The following HPSE2 variants were observed in gnomAD, a reference collection of about 807,000 sequenced individuals.
HPSE2 encodes heparanase 2 (inactive), also known as inactive heparanase-2.
In HPSE2, 38 loss-of-function variants were observed where a neutral mutation model predicts 60.5. That is an observed-to-expected ratio of 0.63 (90% CI 0.48 to 0.82). The LOEUF (loss-of-function observed/expected upper bound fraction) is 0.82. Ranked by LOEUF, HPSE2 falls within the 40% of genes least tolerant of loss-of-function variation. HPSE2 has a pLI of 0.00. For synonymous variants in HPSE2, 295 were observed against 293.2 expected, an observed-to-expected ratio of 1.01 and a Z score of -0.06; for missense variants, 713 against 740.4, an observed-to-expected ratio of 0.96 and a Z score of 0.43.
At chr10:98,969,324 C>A (rs1375305215) in intron 3 of HPSE2, among the ~76,000 whole-genome samples, 3 of 152,122 alleles carry the variant, frequency 2.0e-5, no homozygotes, top group East Asian at 1.9e-4. Flanking sequence ...GGTTTCTATA[C>A]TAATCTTTCC....
chr10:98,923,472 A>T (rs912937106), intron 3 of HPSE2, among the ~76,000 whole-genome samples: 1 of 152,158 alleles, frequency 6.6e-6, no homozygotes, highest in Non-Finnish European at 1.5e-5. Flanking sequence ...ATCCCTTTGA[A>T]TAAACTTTCT....
At chr10:99,205,594 C>G (rs1443201861) in intron 2 of HPSE2, among the ~76,000 whole-genome samples, 1 of 152,084 alleles carries the variant, frequency 6.6e-6, no homozygotes, top group South Asian at 2.1e-4. Context: ...AAAAAAAGCT[C>G]ATTTTCTTGG....
At chr10:99,157,732 A>G (rs879339798) in intron 2 of HPSE2, among the ~76,000 whole-genome samples, 5 of 143,616 alleles carry the variant, frequency 3.5e-5, no homozygotes, top group African/African-American at 5.0e-5. Context: ...CAATGGCAAC[A>G]AAAGCCAAAA....
At chr10:98,531,705 G>T (rs1210936692) in intron 9 of HPSE2, among the ~76,000 whole-genome samples, 1 of 151,374 alleles carries the variant, frequency 6.6e-6, no homozygotes, top group Non-Finnish European at 1.5e-5. Flanking sequence ...TCTTTTTTTT[G>T]ACCTCTATCC....
At chr10:99,217,063 T>C (rs897129228) in intron 2 of HPSE2, among the ~76,000 whole-genome samples, 2 of 151,992 alleles carry the variant, frequency 1.3e-5, no homozygotes, top group African/African-American at 2.4e-5. Context: ...CTAAGAACTT[T>C]ATATAATCAG....
chr10:98,563,942 T>C (rs1944265165), intron 9 of HPSE2, among the ~76,000 whole-genome samples: 1 of 152,204 alleles, frequency 6.6e-6, no homozygotes, highest in African/African-American at 2.4e-5. Flanking sequence ...AACTCTTTAA[T>C]CTTTCTAACC....
At chr10:99,013,162 G>C (rs1957056652) in intron 3 of HPSE2, 6 of 673,704 alleles carry the variant, frequency 8.9e-6, no homozygotes, top group South Asian at 8.5e-5. Context: ...TCACCAGTTA[G>C]AGAACAGCAT....
chr10:98,789,470 C>T (rs1474194240), intron 3 of HPSE2, among the ~76,000 whole-genome samples: 2 of 152,176 alleles, frequency 1.3e-5, no homozygotes, highest in Admixed American at 6.5e-5. Flanking sequence ...AGAAAGAAGT[C>T]AAATTGCAAT....
intron 9 of HPSE2, among the ~76,000 whole-genome samples, chr10:98,562,947 C>G (rs537123482): frequency 1.3e-5 from 2 of 152,024 alleles, no homozygotes; most frequent in African/African-American, 4.8e-5. Context: ...AGGTGTCACA[C>G]AAATGGTTCC....
At chr10:99,222,720 A>G (rs893610376) in intron 2 of HPSE2, among the ~76,000 whole-genome samples, 1 of 152,202 alleles carries the variant, frequency 6.6e-6, no homozygotes, top group African/African-American at 2.4e-5. Context: ...AGAAACTATA[A>G]GTCCTTTCCT....
At chr10:99,127,679 C>T (rs1439475835) in intron 3 of HPSE2, among the ~76,000 whole-genome samples, 2 of 152,144 alleles carry the variant, frequency 1.3e-5, no homozygotes, top group Admixed American at 6.5e-5. Flanking sequence ...AGATCATCAC[C>T]TAGGCACATA....
intron 6 of HPSE2, among the ~76,000 whole-genome samples, chr10:98,688,379 T>C (rs1315434598): frequency 6.6e-6 from 1 of 151,942 alleles, no homozygotes; most frequent in Non-Finnish European, 1.5e-5. Context: ...AAATGTACCA[T>C]TTCCAATGCT....
intron 6 of HPSE2, among the ~76,000 whole-genome samples, chr10:98,669,354 A>G (rs1947448482): frequency 6.6e-6 from 1 of 152,262 alleles, no homozygotes; most frequent in Non-Finnish European, 1.5e-5. Context: ...AAACTGAACT[A>G]TCATTCATTC....
chr10:98,891,562 C>A (rs1953336990), intron 3 of HPSE2, among the ~76,000 whole-genome samples: 1 of 152,048 alleles, frequency 6.6e-6, no homozygotes, highest in African/African-American at 2.4e-5. Flanking sequence ...AATCTTCCCA[C>A]CTCAGCCTCT....
chr10:98,774,414 A>T (rs1474542799), intron 3 of HPSE2, among the ~76,000 whole-genome samples: 3 of 151,760 alleles, frequency 2.0e-5, no homozygotes, highest in Non-Finnish European at 4.4e-5. Flanking sequence ...TTCTGTTTAA[A>T]TGATTGTGTC....
chr10:98,898,768 A>G (rs1953573072), intron 3 of HPSE2, among the ~76,000 whole-genome samples: 1 of 152,224 alleles, frequency 6.6e-6, no homozygotes. Flanking sequence ...TGCAGAATGT[A>G]ACAATACAAT....
chr10:99,188,970 A>G (rs546570933), intron 2 of HPSE2, among the ~76,000 whole-genome samples: 2 of 152,318 alleles, frequency 1.3e-5, no homozygotes, highest in Middle Eastern at 3.4e-3. Context: ...TTTTAACACA[A>G]GAGACATCTA....
chr10:99,235,101 T>TAA (rs1554927252), intron 1 of HPSE2, among the ~76,000 whole-genome samples: 3 of 147,506 alleles, frequency 2.0e-5, no homozygotes, highest in Non-Finnish European at 4.5e-5. Flanking sequence ...CTGTCTCACA[T>TAA]ACACACACAC....
chr10:99,198,689 T>C (rs1335750160), intron 2 of HPSE2, among the ~76,000 whole-genome samples: 2 of 152,214 alleles, frequency 1.3e-5, no homozygotes, highest in African/African-American at 4.8e-5. Flanking sequence ...AAATTTTTTA[T>C]ATTATTGTGG....
Sources: gnomAD v4.1 joint callset for allele counts (sites outside exome capture counted in the v4.1 genomes callset) on GRCh38, gnomAD v4.1.1 for gene constraint, MANE v1.5 for transcripts, NCBI Gene and HGNC (gene_info 2026-07-23, HGNC 2026-07-21) for gene names.